Variants in KPNB1 observed in about 807,000 individuals in gnomAD.
KPNB1 encodes importin subunit beta-1.
In KPNB1, 7 loss-of-function variants were observed where a neutral mutation model predicts 113.0. That is an observed-to-expected ratio of 0.06 (90% CI 0.04 to 0.12). The LOEUF (loss-of-function observed/expected upper bound fraction) is 0.12, where lower values mean the gene tolerates loss of function less well. Ranked by LOEUF, KPNB1 falls within the 10% of genes least tolerant of loss-of-function variation. KPNB1 has a pLI of 1.00. For synonymous variants in KPNB1, 363 were observed against 378.6 expected, an observed-to-expected ratio of 0.96 and a Z score of 0.48; for missense variants, 400 against 1,054.8, an observed-to-expected ratio of 0.38 and a Z score of 8.60.
intron 16 of KPNB1, 110 bp from the exon 17 acceptor site, chr17:47,676,910 G>T: frequency 1.3e-6 from 1 of 759,398 alleles, no homozygotes; most frequent in Non-Finnish European, 2.2e-6. Flanking sequence ...TCGGCAGAGG[G>T]ATTTAACTCT....
At chr17:47,670,390 A>G (rs1056592849) in intron 11 of KPNB1, 10 of 250,834 alleles carry the variant, frequency 4.0e-5, no homozygotes, top group Admixed American at 1.9e-4. Flanking sequence ...CAGATTATCA[A>G]ACAGGATGAT....
chr17:47,651,138 T>C (rs972993294), intron 2 of KPNB1: 1 of 820,740 alleles, frequency 1.2e-6, no homozygotes, highest in African/African-American at 1.9e-5. Context: ...ATCTTTGAGA[T>C]GGGGCCTGTT....
In KPNB1 at chr17:47,668,424, AT is replaced by A. The variant is rs1198636151; in HGVS notation, c.1224+19del. ...CTAGTTATACAGGTGAAACTGAGGG[AT>A]TTTTGGAGTAGAAAGTAGGATATTT... On this transcript the variant is annotated intron_variant, in intron 10 of 21. Transcript: ENST00000290158. The A allele has an allele frequency of 3.1e-6, 5 of 1,591,748 alleles. No individual in the cohort carries two copies. The highest frequency in any genetic ancestry group is 1.7e-5 in the Admixed American group (1 of 59,838).
At chr17:47,673,433 G>T in intron 13 of KPNB1, 57 bp from the exon 14 acceptor site, 2 of 1,403,482 alleles carry the variant, frequency 1.4e-6, no homozygotes, top group Non-Finnish European at 2.0e-6. Context: ...TTATTAAATG[G>T]TCCCAGCAAA....
intron 15 of KPNB1, among the ~76,000 whole-genome samples, chr17:47,675,112 C>A (rs891707230): frequency 6.6e-6 from 1 of 152,028 alleles, no homozygotes; most frequent in African/African-American, 2.4e-5. Context: ...AGCCACTGGG[C>A]CCAGCTTAAT....
chr17:47,677,247 C>T, intron 17 of KPNB1, 120 bp downstream of exon 17: 4 of 755,954 alleles, frequency 5.3e-6, no homozygotes. Flanking sequence ...TTTTGGGAGG[C>T]CGAGGCAGGC....
chr17:47,650,544 G>T (rs1201948029), intron 2 of KPNB1, 100 bp downstream of exon 2: 8 of 773,788 alleles, frequency 1.0e-5, no homozygotes, highest in African/African-American at 6.8e-5. Context: ...AACCTACCCC[G>T]CCCCATCCCG....
chr17:47,670,801 A>T lies in KPNB1; in HGVS notation c.1516A>T (p.Ile506Leu), dbSNP rs752551504. Residue 506 changes from isoleucine (I) to leucine (L), a missense_variant, in exon 12 of 22, where the codon ATA becomes TTA. By Grantham distance (5) the Ile-to-Leu change is conservative. Transcript: ENST00000290158. ...CTGCTTATCTTCTTCATTTGAACTC[A>T]TAGTTCAGAAGCTCCTAGAGACTAC... ...TYCLSSSFEL[I>L]VQKLLETTDR... 1.4e-5 allele frequency: 22 copies of T among 1,611,842 alleles called. No homozygotes were observed. Among genetic ancestry groups the T allele is most frequent in the Non-Finnish European group, 1.8e-5 (21 of 1,178,064 alleles).
Position 47,673,164 on chromosome 17 carries a change from A to C in KPNB1, c.1694A>C (p.Glu565Ala). The C allele has an allele frequency of 6.2e-7, 1 of 1,614,054 alleles. No individual in the cohort carries two copies. The highest frequency in any genetic ancestry group is 8.5e-7 in the Non-Finnish European group (1 of 1,179,976). The change falls in exon 13 of 22, where the codon GAG becomes GCG. Residue 565 changes from glutamate (E) to alanine (A), a missense_variant and splice_region_variant. Physicochemically the swap from Glu to Ala is moderately radical, Grantham distance 107 (BLOSUM62 -1). This residue lies in a region of KPNB1 where 115 missense variants were observed against 427.9 expected (regional missense o/e 0.27). Transcript: ENST00000290158. ...CGACTGCAACAGGTTCTTCAGATGG[A>C]GGTGAGACCTAAGAGTGCCCCTGAC... ...MERLQQVLQM[E>A]SHIQSTSDRI...
chr17:47,657,489 A>C (rs561498641), intron 4 of KPNB1, among the ~76,000 whole-genome samples: 1 of 152,276 alleles, frequency 6.6e-6, no homozygotes, highest in African/African-American at 2.4e-5. Context: ...TAGCCCCCCC[A>C]GCACTGTTGT....
chr17:47,666,605 T>C (rs1236846570), intron 9 of KPNB1, among the ~76,000 whole-genome samples: 1 of 145,686 alleles, frequency 6.9e-6, no homozygotes, highest in Non-Finnish European at 1.5e-5. Context: ...TATAATTATA[T>C]ATATTTTATA....
rs776197469 is a variant in KPNB1, at chr17:47,669,760, G to A, written c.1307G>A (p.Cys436Tyr). The change falls in exon 11 of 22, where the codon TGT becomes TAT. Residue 436 changes from cysteine to tyrosine, a missense_variant. Around this residue, in one of 2 missense-constraint regions of KPNB1, gnomAD observed 285 missense variants for 627.0 expected, o/e 0.45. Coordinates refer to ENST00000290158, the MANE Select transcript of KPNB1 (RefSeq NM_002265.6). ...DTAAWTVGRI[C>Y]ELLPEAAIND... is the part of the protein sequence containing the mutation. ...GCTGCATGGACTGTAGGCAGAATTT[G>A]TGAGCTGCTTCCTGAAGCTGCCATC... 6.2e-7 allele frequency: 1 copy of A among 1,614,134 alleles called. No homozygotes were observed. The highest frequency in any genetic ancestry group is 1.1e-5 in the South Asian group (1 of 91,080).
At chr17:47,679,693 CTT>C (rs1219526478) in intron 19 of KPNB1, among the ~76,000 whole-genome samples, 2 of 148,678 alleles carry the variant, frequency 1.3e-5, no homozygotes, top group Non-Finnish European at 3.0e-5. Flanking sequence ...CCTTCTCTCT[CTT>C]TTTTTTTTCT....
chr17:47,671,457 A>G (rs149988093), intron 12 of KPNB1, among the ~76,000 whole-genome samples: 1 of 152,190 alleles, frequency 6.6e-6, no homozygotes, highest in South Asian at 2.1e-4. Context: ...GTATTTGGTT[A>G]CAAGAGAAAT....
At chr17:47,652,034 A>G (rs943849009) in intron 2 of KPNB1, among the ~76,000 whole-genome samples, 1 of 152,106 alleles carries the variant, frequency 6.6e-6, no homozygotes, top group Admixed American at 6.5e-5. Flanking sequence ...ATATCTTATC[A>G]CTTTTCCTTA....
chr17:47,671,324 C>G (rs1205900171), intron 12 of KPNB1, among the ~76,000 whole-genome samples: 1 of 152,134 alleles, frequency 6.6e-6, no homozygotes, highest in Admixed American at 6.5e-5. Flanking sequence ...CAGATTCCAC[C>G]TACCTTAGAA....
At position 47,677,041 on chromosome 17, in the gene KPNB1, T is replaced by G. The variant is rs1268033142; in HGVS notation, c.2017T>G (p.Leu673Val). Residue 673 changes from leucine (L) to valine (V), a missense_variant, in exon 17 of 22, where the codon TTA (leucine) becomes GTA (valine). Transcript: ENST00000290158. ...GCAGGTTTGTTTGGCAGCTGTGGGC[T>G]TAGTGGGAGACTTGTGCCGTGCCCT... Reference protein sequence around the residue: ...EYQVCLAAVGLVGDLCRALQS... With the variant: ...EYQVCLAAVGVVGDLCRALQS... 1 of 1,613,972 alleles carries G rather than the reference T, an allele frequency of 6.2e-7. No homozygotes were observed.
intron 14 of KPNB1, among the ~76,000 whole-genome samples, chr17:47,674,433 G>C (rs1176077316): frequency 6.6e-6 from 1 of 152,176 alleles, no homozygotes; most frequent in Non-Finnish European, 1.5e-5. Context: ...ATCAGCTCAC[G>C]TTTGTTCTGA....
chr17:47,660,343 T>A (rs960006626), intron 5 of KPNB1, among the ~76,000 whole-genome samples: 7 of 152,220 alleles, frequency 4.6e-5, no homozygotes, highest in Non-Finnish European at 1.0e-4. Flanking sequence ...ACATTTTGTT[T>A]ATCTAGTCTT....
Sources: allele counts gnomAD v4.1 joint callset (sites outside exome capture counted in the v4.1 genomes callset), GRCh38; gene constraint gnomAD v4.1.1; regional missense constraint gnomAD v4.1.1; transcripts MANE v1.5; gene names NCBI Gene and HGNC (gene_info 2026-07-23, HGNC 2026-07-21).